Variants in MARCHF3 observed in about 807,000 individuals in gnomAD.
MARCHF3 encodes E3 ubiquitin-protein ligase MARCHF3.
Under a neutral mutation model 24.2 loss-of-function variants are expected in MARCHF3, and 13 were observed. That is an observed-to-expected ratio of 0.54 (90% confidence interval 0.35 to 0.85). The LOEUF (loss-of-function observed/expected upper bound fraction) is 0.85, where lower values mean the gene tolerates loss of function less well. MARCHF3 is among the 40% of genes least tolerant of loss of function. The probability of loss-of-function intolerance (pLI) is 0.01; values close to 1 mark genes in which losing one functional copy is unlikely to be tolerated. For missense variants in MARCHF3, 276 were observed against 325.0 expected, an observed-to-expected ratio of 0.85 and a Z score of 1.16; for synonymous variants, 144 against 137.3, an observed-to-expected ratio of 1.05 and a Z score of -0.34.
At chr5:126,962,242 CTATA>C (rs59031557) in intron 1 of MARCHF3, among the ~76,000 whole-genome samples, 5 of 151,242 alleles carry the variant, frequency 3.3e-5, no homozygotes, top group African/African-American at 1.2e-4. Context: ...ATCTCTCTCT[CTATA>C]TATATATATC....
chr5:126,936,419 C>T (rs73786204), intron 1 of MARCHF3, among the ~76,000 whole-genome samples: 3,460 of 152,190 alleles, frequency 0.023, 55 homozygotes, highest in Non-Finnish European at 0.027. Flanking sequence ...TCCTAGACTA[C>T]CAGTGAGGGC....
intron 3 of MARCHF3, among the ~76,000 whole-genome samples, chr5:126,883,275 G>C (rs947890724): frequency 3.3e-5 from 5 of 152,144 alleles, no homozygotes; most frequent in Admixed American, 3.3e-4. Context: ...TCTCCTGGTG[G>C]ATCCACTCAT....
chr5:126,972,715 G>A (rs1751059168), intron 1 of MARCHF3, among the ~76,000 whole-genome samples: 1 of 152,130 alleles, frequency 6.6e-6, no homozygotes, highest in South Asian at 2.1e-4. Flanking sequence ...GGAAGAGAGT[G>A]GTTTTAACAA....
chr5:126,955,711 G>T (rs1750416491), intron 1 of MARCHF3, among the ~76,000 whole-genome samples: 1 of 151,982 alleles, frequency 6.6e-6, no homozygotes, highest in Non-Finnish European at 1.5e-5. Flanking sequence ...AGTCTGAAAC[G>T]TTTTTTTCTG....
intron 3 of MARCHF3, among the ~76,000 whole-genome samples, chr5:126,909,547 A>G (rs1276605338): frequency 6.6e-6 from 1 of 152,204 alleles, no homozygotes; most frequent in Non-Finnish European, 1.5e-5. Flanking sequence ...AGCCCATCGG[A>G]AAATCGCAGT....
At chr5:126,997,906 T>A (rs144380420) in intron 1 of MARCHF3, among the ~76,000 whole-genome samples, 54 of 152,348 alleles carry the variant, frequency 3.5e-4, no homozygotes, top group African/African-American at 1.3e-3. Context: ...ATGACTATAT[T>A]AAGCCTATTG....
At chr5:126,960,943 G>T (rs1295644396) in intron 1 of MARCHF3, among the ~76,000 whole-genome samples, 1 of 152,026 alleles carries the variant, frequency 6.6e-6, no homozygotes, top group Non-Finnish European at 1.5e-5. Flanking sequence ...ATTCTGATTA[G>T]AAGCTAAGTA....
At chr5:126,900,478 C>G (rs1026748707) in intron 3 of MARCHF3, among the ~76,000 whole-genome samples, 1 of 152,054 alleles carries the variant, frequency 6.6e-6, no homozygotes, top group African/African-American at 2.4e-5. Context: ...AGGACATAGA[C>G]AGAAGTTGGC....
At chr5:126,954,985 G>A (rs1005183280) in intron 1 of MARCHF3, among the ~76,000 whole-genome samples, 2 of 152,058 alleles carry the variant, frequency 1.3e-5, no homozygotes, top group Non-Finnish European at 2.9e-5. Flanking sequence ...TCTATAAACA[G>A]CATATAGTAT....
intron 3 of MARCHF3, 119 bp downstream of exon 3, chr5:126,914,811 C>CACACACACAG (rs1157735403): frequency 1.0e-5 from 9 of 869,188 alleles, no homozygotes; most frequent in Admixed American, 2.0e-5. Context: ...CACACACACA[C>CACACACACAG]AGTCACATAG....
At chr5:126,968,575 T>G (rs80155150) in intron 1 of MARCHF3, among the ~76,000 whole-genome samples, 3 of 152,100 alleles carry the variant, frequency 2.0e-5, no homozygotes, top group South Asian at 2.1e-4. Context: ...CAGTTTTCAA[T>G]TGGGTTATTA....
chr5:126,967,144 G>A (rs1750848257), intron 1 of MARCHF3, among the ~76,000 whole-genome samples: 1 of 151,214 alleles, frequency 6.6e-6, no homozygotes, highest in Non-Finnish European at 1.5e-5. Context: ...AGATAATCAA[G>A]TTAACAGAAC....
rs370301945 is a variant in MARCHF3 at position 126,894,383 on chromosome 5, C to T, written c.394-15989G>A. ...GTTAGTTGCAGTTTCTTCCTAGTCT[C>T]GATGGTCTTTACATTTTGGCATGAT... On this transcript the variant is annotated intron_variant, in intron 3 of 4. Transcript: ENST00000308660. Among the ~76,000 whole-genome samples, 38 of 151,446 alleles carry T rather than the reference C, an allele frequency of 2.5e-4. 1 individual carries two copies. Among genetic ancestry groups the T allele is most frequent in the African/African-American group, 8.0e-4 (33 of 41,052 alleles).
intron 1 of MARCHF3, among the ~76,000 whole-genome samples, chr5:126,985,903 A>C (rs1307002887): frequency 6.6e-6 from 1 of 152,182 alleles, no homozygotes; most frequent in Non-Finnish European, 1.5e-5. Context: ...GCATGACTCT[A>C]TTTGGTCCCT....
At chr5:127,018,593 G>A (rs1413732939) in intron 1 of MARCHF3, among the ~76,000 whole-genome samples, 1 of 152,134 alleles carries the variant, frequency 6.6e-6, no homozygotes, top group Non-Finnish European at 1.5e-5. Flanking sequence ...GATCCAAGTG[G>A]AGGGAACAGC....
chr5:127,024,847 C>A (rs1422237830), intron 1 of MARCHF3, among the ~76,000 whole-genome samples: 1 of 152,112 alleles, frequency 6.6e-6, no homozygotes, highest in Non-Finnish European at 1.5e-5. Context: ...GTTTTAAAAG[C>A]CTTCAAAACC....
intron 4 of MARCHF3, among the ~76,000 whole-genome samples, chr5:126,871,399 C>T (rs1193920217): frequency 1.3e-5 from 2 of 152,206 alleles, no homozygotes; most frequent in African/African-American, 4.8e-5. Context: ...AGTGTGGCCA[C>T]TAACTCCCCT....
chr5:126,998,056 T>C (rs1414521115), intron 1 of MARCHF3, among the ~76,000 whole-genome samples: 2 of 152,242 alleles, frequency 1.3e-5, no homozygotes, highest in Middle Eastern at 3.2e-3. Context: ...CTCTCCTGGC[T>C]GGAATCATAA....
intron 1 of MARCHF3, among the ~76,000 whole-genome samples, chr5:127,016,162 A>T (rs989583183): frequency 6.6e-6 from 1 of 152,188 alleles, no homozygotes; most frequent in Admixed American, 6.5e-5. Flanking sequence ...GGAAAAAAAC[A>T]TAGTACATAT....
Sources: gnomAD v4.1 joint callset for allele counts (sites outside exome capture counted in the v4.1 genomes callset) on GRCh38, gnomAD v4.1.1 for gene constraint, MANE v1.5 for transcripts, NCBI Gene and HGNC (gene_info 2026-07-23, HGNC 2026-07-21) for gene names.